The following PDE1C variants were observed in gnomAD, a reference collection of about 807,000 sequenced individuals.
PDE1C encodes the protein dual specificity calcium/calmodulin-dependent 3',5'-cyclic nucleotide phosphodiesterase 1C.
A neutral mutation model predicts 93.1 loss-of-function variants in PDE1C; 62 were observed. The observed-to-expected ratio is 0.67, with a 90% confidence interval of 0.54 to 0.82. The LOEUF is 0.82. PDE1C is among the 40% of genes least tolerant of loss of function. PDE1C has a pLI of 0.00. For synonymous variants in PDE1C, 325 were observed against 310.1 expected, an observed-to-expected ratio of 1.05 and a Z score of -0.50; for missense variants, 742 against 884.6, an observed-to-expected ratio of 0.84 and a Z score of 2.04.
At chr7:32,181,054 T>A (rs991370427) in intron 2 of PDE1C, among the ~76,000 whole-genome samples, 1 of 152,202 alleles carries the variant, frequency 6.6e-6, no homozygotes, top group Non-Finnish European at 1.5e-5. Flanking sequence ...TGAAACAATC[T>A]TGTATAGGTC....
chr7:32,415,445 C>T (rs1282209983), intron 1 of PDE1C, among the ~76,000 whole-genome samples: 4 of 151,876 alleles, frequency 2.6e-5, no homozygotes, highest in African/African-American at 7.3e-5. Flanking sequence ...AGCAAGACTC[C>T]GTCTCAAAAA....
chr7:31,771,046 T>C (rs1302230884), intron 17 of PDE1C, among the ~76,000 whole-genome samples: 1 of 152,244 alleles, frequency 6.6e-6, no homozygotes, highest in Non-Finnish European at 1.5e-5. Flanking sequence ...CTCTGCTTTC[T>C]TGGGTTTGTA....
intron 2 of PDE1C, among the ~76,000 whole-genome samples, chr7:32,000,218 A>T (rs192633621): frequency 1.3e-5 from 2 of 152,282 alleles, no homozygotes; most frequent in Admixed American, 1.3e-4. Flanking sequence ...AGATTTCCTC[A>T]TCTGTAAAAT....
At chr7:32,362,493 G>T (rs1784154905) in intron 1 of PDE1C, among the ~76,000 whole-genome samples, 2 of 152,054 alleles carry the variant, frequency 1.3e-5, no homozygotes, top group South Asian at 2.1e-4. Flanking sequence ...CCCTCACTTT[G>T]ATCTCTTTAT....
the PDE1C span, among the ~76,000 whole-genome samples, chr7:31,664,075 C>A: frequency 6.6e-6 from 1 of 152,196 alleles, no homozygotes; most frequent in Non-Finnish European, 1.5e-5. Context: ...TGTCACACAA[C>A]TAGAAAACCA....
chr7:32,008,331 T>C lies in PDE1C; in HGVS notation c.128+43223A>G, dbSNP rs1483302001. 2.0e-5 allele frequency among the ~76,000 whole-genome samples: 3 copies of C among 152,224 alleles called. No individual in the cohort carries two copies. The East Asian group carries it at 5.8e-4, about 29-fold the overall frequency. ...TCCTCTGAATTTGTTGACTTGATGC[T>C]ACTTCTAGGCTTGACCTTCACTGTT... is the stretch of plus-strand genomic sequence containing the variant. On this transcript the variant is annotated intron_variant, in intron 2 of 17. Coordinates refer to ENST00000396191, the MANE Select transcript of PDE1C (RefSeq NM_001191057.4).
intron 1 of PDE1C, among the ~76,000 whole-genome samples, chr7:32,371,545 A>C (rs1784334736): frequency 6.6e-6 from 1 of 152,244 alleles, no homozygotes; most frequent in African/African-American, 2.4e-5. Flanking sequence ...AATGAAGGGC[A>C]TGGATGGGTA....
chr7:32,122,111 A>T (rs1480753021), intron 3 of PDE1C, among the ~76,000 whole-genome samples: 1 of 152,224 alleles, frequency 6.6e-6, no homozygotes, highest in Non-Finnish European at 1.5e-5. Context: ...AACAAAGATC[A>T]AAAAAGAAAA....
chr7:31,877,324 G>A (rs1796716056), intron 5 of PDE1C, among the ~76,000 whole-genome samples: 1 of 152,122 alleles, frequency 6.6e-6, no homozygotes, highest in Non-Finnish European at 1.5e-5. Flanking sequence ...CCTGACTAGA[G>A]GTAATTCTGC....
chr7:32,113,119 T>C (rs1798768014), intron 3 of PDE1C, among the ~76,000 whole-genome samples: 1 of 148,598 alleles, frequency 6.7e-6, no homozygotes, highest in South Asian at 2.1e-4. Flanking sequence ...GGTATAGAAA[T>C]AAAAGGAGAA....
intron 1 of PDE1C, among the ~76,000 whole-genome samples, chr7:32,368,918 G>T (rs1784275408): frequency 6.6e-6 from 1 of 152,074 alleles, no homozygotes. Flanking sequence ...TCAACAAATG[G>T]TGCTGGGGAA....
intron 2 of PDE1C, among the ~76,000 whole-genome samples, chr7:32,184,963 T>A (rs929946590): frequency 2.0e-5 from 3 of 151,804 alleles, no homozygotes; most frequent in Non-Finnish European, 4.4e-5. Flanking sequence ...AATACAAAAT[T>A]AGCTGGGCGT....
intron 3 of PDE1C, among the ~76,000 whole-genome samples, chr7:32,128,530 AT>A (rs889198494): frequency 1.3e-5 from 2 of 152,018 alleles, no homozygotes; most frequent in African/African-American, 4.8e-5. Flanking sequence ...CAAATGGTCT[AT>A]AAGACTATAA....
At chr7:32,043,315 C>G (rs1467175542) in intron 2 of PDE1C, among the ~76,000 whole-genome samples, 1 of 152,138 alleles carries the variant, frequency 6.6e-6, no homozygotes, top group Non-Finnish European at 1.5e-5. Flanking sequence ...ATGACTGATT[C>G]AACCCTGTCA....
intron 2 of PDE1C, among the ~76,000 whole-genome samples, chr7:31,985,866 T>C (rs1333141627): frequency 1.3e-5 from 2 of 152,146 alleles, no homozygotes; most frequent in Admixed American, 1.3e-4. Flanking sequence ...TTGTGAATAG[T>C]GCCACAATAA....
chr7:31,957,348 C>A (rs775655981), intron 2 of PDE1C, among the ~76,000 whole-genome samples: 28 of 152,072 alleles, frequency 1.8e-4, no homozygotes, highest in Non-Finnish European at 2.9e-4. Context: ...GTAACCCTGG[C>A]ATCACCCAAT....
intron 2 of PDE1C, among the ~76,000 whole-genome samples, chr7:31,895,580 T>TCTCTCTC (rs1799191111): frequency 5.5e-5 from 8 of 144,918 alleles, no homozygotes; most frequent in South Asian, 2.2e-4. Flanking sequence ...TTTCTCTCTT[T>TCTCTCTC]TCTCTCTCTC....
intron 2 of PDE1C, among the ~76,000 whole-genome samples, chr7:31,909,005 T>C (rs1259472167): frequency 1.3e-5 from 2 of 152,200 alleles, no homozygotes; most frequent in Non-Finnish European, 2.9e-5. Context: ...AGTTTCAGGA[T>C]GCCCTTCCTA....
intron 2 of PDE1C, among the ~76,000 whole-genome samples, chr7:31,953,774 T>C (rs1182668633): frequency 2.0e-5 from 3 of 152,018 alleles, no homozygotes; most frequent in Non-Finnish European, 4.4e-5. Flanking sequence ...CATGGTCTCT[T>C]ACGTGAAAAA....
Sources: gnomAD v4.1 joint callset for allele counts (sites outside exome capture counted in the v4.1 genomes callset) on GRCh38, gnomAD v4.1.1 for gene constraint, MANE v1.5 for transcripts, NCBI Gene and HGNC (gene_info 2026-07-23, HGNC 2026-07-21) for gene names.